ADAT1: variants seen among roughly 807,000 people sequenced by gnomAD.
The protein encoded by ADAT1 is tRNA-specific adenosine deaminase 1.
Under a neutral mutation model 58.6 loss-of-function variants are expected in ADAT1, and 58 were observed. The ratio of observed to expected loss-of-function variants is 0.99; its 90% CI spans 0.80 to 1.23. The LOEUF is 1.23. Ranked by LOEUF, ADAT1 falls within the 50% of genes most tolerant of loss-of-function variation. ADAT1 has a pLI of 0.00. For synonymous variants in ADAT1, 254 were observed against 220.8 expected (o/e 1.15, Z -1.33); for missense variants, 741 against 608.6 (o/e 1.22, Z -2.29).
rs778943989 is a variant in ADAT1, at chr16:75,620,640, G to C, written c.160C>G (p.Pro54Ala). 1 of 1,613,026 alleles carries C rather than the reference G, an allele frequency of 6.2e-7. No homozygotes were observed. The highest frequency in any genetic ancestry group is 8.5e-7 in the Non-Finnish European group (1 of 1,179,976). ...ADKACDTPDK[P>A]VQVTKEVVSM... ...GAAGAAAAAGTCTCACCTTGCACCGGCTTATCAGGGGTGTCGCAGGCCTTG... is the reference window on the plus strand; with the variant it reads ...GAAGAAAAAGTCTCACCTTGCACCGCCTTATCAGGGGTGTCGCAGGCCTTG... The change falls in exon 2 of 10, where the codon CCG becomes GCG. Residue 54 changes from proline (P) to alanine (A), a missense_variant. By Grantham distance (27) the Pro-to-Ala change is conservative. Coordinates refer to ENST00000564657, the MANE Select transcript of ADAT1 (RefSeq NM_001324445.2).
chr16:75,620,603 G>C (rs775702911), intron 2 of ADAT1, 28 bp downstream of exon 2: 1 of 1,610,062 alleles, frequency 6.2e-7, no homozygotes, highest in Non-Finnish European at 8.5e-7. Flanking sequence ...CTCACAGTGA[G>C]GAGCATGCCA....
chr16:75,611,367 CAT>C (rs1167372665), intron 6 of ADAT1, among the ~76,000 whole-genome samples: 2 of 152,034 alleles, frequency 1.3e-5, no homozygotes, highest in Admixed American at 6.6e-5. Flanking sequence ...ACAGTATAGA[CAT>C]GTTTCCATAT....
chr16:75,602,861 C>A lies in ADAT1; in HGVS notation c.1376+224G>T, dbSNP rs138434010. Among the ~76,000 whole-genome samples, 595 of 152,266 alleles carry A rather than the reference C, an allele frequency of 3.9e-3. 1 individual carries two copies. The highest frequency in any genetic ancestry group is 0.014 in the African/African-American group (570 of 41,554). On this transcript the variant is annotated intron_variant, in intron 9 of 9. Coordinates refer to ENST00000564657, the MANE Select transcript of ADAT1 (RefSeq NM_001324445.2). Reference sequence around the variant, plus strand: ...TGGAATGGCCAAGCCCCAGTTCTATCCTTAGTTTTTTATAACTCTATACCA... The same window carrying A: ...TGGAATGGCCAAGCCCCAGTTCTATACTTAGTTTTTTATAACTCTATACCA...
chr16:75,599,843 T>A lies in ADAT1; in HGVS notation c.*373A>T. 1.0e-6 allele frequency: 1 copy of A among 1,000,694 alleles called. No individual in the cohort carries two copies. The highest frequency in any genetic ancestry group is 1.2e-6 in the Non-Finnish European group (1 of 839,876). The allele number at this position is 1,000,694 out of a possible 1,614,324, so 62.0% of individuals were successfully genotyped here. ...GCTATGCTAGGCAAAGCTGTAAAAC[T>A]TGCAGAGCGTCAAACATCATTTCAG... On this transcript the variant is annotated 3_prime_UTR_variant, in exon 10 of 10. Transcript: ENST00000564657.
At position 75,603,112 on chromosome 16, in the gene ADAT1, GCAATT is replaced by G. The variant is rs765261022; in HGVS notation, c.1344_1348del (p.Arg448SerfsTer62). The G allele has an allele frequency of 6.2e-7, 1 of 1,614,020 alleles. No individual in the cohort carries two copies. Among genetic ancestry groups the G allele is most frequent in the South Asian group, 1.1e-5 (1 of 91,062 alleles). On this transcript the variant is annotated frameshift_variant, in exon 9 of 10. Coordinates refer to ENST00000564657, the MANE Select transcript of ADAT1 (RefSeq NM_001324445.2). LOFTEE classifies it high-confidence loss of function. ...GAGGGAGTGTGGCCACTTGTCCCTT[GCAATT>G]CTGCTTAGCAGCTTCTGGAATGATC...
rs972778699 is a variant in ADAT1 at position 75,599,472 on chromosome 16, T to C, written c.*744A>G. ...ATCAAAATAACAACAGGAATCTGTC[T>C]CACATAATTGAGACATCTAAACAGT... On this transcript the variant is annotated 3_prime_UTR_variant, in exon 10 of 10. Transcript: ENST00000564657. 1 of 985,824 alleles carries C rather than the reference T, an allele frequency of 1.0e-6. No individual in the cohort carries two copies. The highest frequency in any genetic ancestry group is 1.1e-4 in the East Asian group (1 of 8,810). 61.1% of individuals were successfully genotyped at this position (985,824 alleles called of 1,614,324 possible).
chr16:75,620,950 G>C (rs1597147314), intron 1 of ADAT1, 130 bp from the exon 2 acceptor site: 1 of 656,892 alleles, frequency 1.5e-6, no homozygotes, highest in Non-Finnish European at 2.4e-6. Context: ...GAACTCTATG[G>C]ATCATTTTCT....
rs1341337771 is a variant in ADAT1 at position 75,617,261 on chromosome 16, T to G, written c.305A>C (p.His102Pro). The G allele has an allele frequency of 6.2e-7, 1 of 1,613,354 alleles. No individual in the cohort carries two copies. Among genetic ancestry groups the G allele is most frequent in the Non-Finnish European group, 8.5e-7 (1 of 1,179,386 alleles). ...CAGGGTGGCTGCCAACTGGAGTTGG[T>G]GGAGAAGGTACCTAAGGGTTGCAAG... Reference protein sequence around the residue: ...ARRSFQRYLLHQLQLAATLKE... With the variant: ...ARRSFQRYLLPQLQLAATLKE... The change falls in exon 5 of 10, where the codon CAC becomes CCC. Residue 102 changes from histidine (H) to proline (P), a missense_variant. Coordinates refer to ENST00000564657, the MANE Select transcript of ADAT1 (RefSeq NM_001324445.2).
intron 3 of ADAT1, among the ~76,000 whole-genome samples, chr16:75,618,958 A>G (rs1447194020): frequency 6.6e-6 from 1 of 152,218 alleles, no homozygotes. Context: ...AGTTGTGACA[A>G]CTAAAAATGT....
intron 7 of ADAT1, among the ~76,000 whole-genome samples, chr16:75,608,614 G>T (rs1160613782): frequency 6.6e-6 from 1 of 152,174 alleles, no homozygotes; most frequent in East Asian, 1.9e-4. Context: ...CCTGATAAAT[G>T]ATATTCTTCT....
rs1044595152 is a variant in ADAT1, at chr16:75,599,957, T to G, written c.*259A>C. The stretch of plus-strand genomic sequence containing the variant: ...CAAAGCATCATGTTCCAAACTCTGA[T>G]TTCATATTTTAGAGAAGCAATAAAA... On this transcript the variant is annotated 3_prime_UTR_variant, in exon 10 of 10. Transcript: ENST00000564657. 24 of 1,206,130 alleles carry G rather than the reference T, an allele frequency of 2.0e-5. No homozygotes were observed. In the South Asian group the frequency reaches 6.0e-4, roughly 30 times the overall value. 74.7% of individuals were successfully genotyped at this position (1,206,130 alleles called of 1,614,324 possible).
intron 5 of ADAT1, among the ~76,000 whole-genome samples, chr16:75,614,534 C>A (rs952135193): frequency 3.9e-5 from 6 of 152,150 alleles, no homozygotes; most frequent in Non-Finnish European, 5.9e-5. Flanking sequence ...GCAAGAGATA[C>A]AGAAGTGGGA....
intron 8 of ADAT1, among the ~76,000 whole-genome samples, chr16:75,607,742 T>C (rs755778403): frequency 7.9e-5 from 12 of 152,036 alleles, no homozygotes; most frequent in Non-Finnish European, 1.3e-4. Context: ...CCCAAGAAAA[T>C]TGAAAACATA....
chr16:75,598,518 AT>A lies in ADAT1; in HGVS notation c.*1697del, dbSNP rs567204868. ...ACAACTCTGTGGATATACTAAAAAA[AT>A]TTTTTTTTTTTTTTTTTGAGACAGG... On this transcript the variant is annotated 3_prime_UTR_variant, in exon 10 of 10. Transcript: ENST00000564657. Among the ~76,000 whole-genome samples, 8,949 of 139,078 alleles carry A rather than the reference AT, an allele frequency of 0.064. 720 individuals are homozygous for A. The highest frequency in any genetic ancestry group is 0.21 in the African/African-American group (8,022 of 37,960). The allele number at this position is 139,078 out of a possible 152,430, so 91.2% of individuals were successfully genotyped here.
At position 75,599,050 on chromosome 16, in the gene ADAT1, A is replaced by G. The variant is rs1461801408; in HGVS notation, c.*1166T>C. ...GGATTGGCTGCTGGGTCTATTGCTG[A>G]TTTGCTGCAGGGCCTTTTGGCTTCT... On this transcript the variant is annotated 3_prime_UTR_variant, in exon 10 of 10. Coordinates refer to ENST00000564657, the MANE Select transcript of ADAT1 (RefSeq NM_001324445.2). The G allele has an allele frequency of 1.1e-5, 6 of 522,428 alleles. No individual in the cohort carries two copies. Among genetic ancestry groups the G allele is most frequent in the Non-Finnish European group, 2.4e-6 (1 of 422,994 alleles). The allele number at this position is 522,428 out of a possible 1,614,324, so 32.4% of individuals were successfully genotyped here.
At chr16:75,616,583 C>T (rs528707211) in intron 5 of ADAT1, among the ~76,000 whole-genome samples, 2 of 152,278 alleles carry the variant, frequency 1.3e-5, no homozygotes, top group Admixed American at 6.5e-5. Context: ...ACCCCCTTCA[C>T]CCCAGGCTAG....
At chr16:75,601,174 C>G (rs1321033555) in intron 9 of ADAT1, among the ~76,000 whole-genome samples, 1 of 151,966 alleles carries the variant, frequency 6.6e-6, no homozygotes, top group Non-Finnish European at 1.5e-5. Context: ...AACCCCATCT[C>G]TACTAAAAAT....
intron 5 of ADAT1, among the ~76,000 whole-genome samples, chr16:75,613,879 T>C (rs532216659): frequency 3.3e-5 from 5 of 152,068 alleles, no homozygotes; most frequent in African/African-American, 1.2e-4. Context: ...AAAACAAAAG[T>C]GGGTGGTTTA....
chr16:75,602,448 G>GA (rs2081256883), intron 9 of ADAT1, among the ~76,000 whole-genome samples: 1 of 152,200 alleles, frequency 6.6e-6, no homozygotes, highest in Admixed American at 6.5e-5. Flanking sequence ...TCTGAGTTCT[G>GA]AGAGATGTTC....
Sources: gnomAD v4.1 joint callset for allele counts (sites outside exome capture counted in the v4.1 genomes callset) on GRCh38, gnomAD v4.1.1 for gene constraint, MANE v1.5 for transcripts, NCBI Gene and HGNC (gene_info 2026-07-23, HGNC 2026-07-21) for gene names.